The following FOXN3 variants were observed in gnomAD, a reference collection of about 807,000 sequenced individuals.
FOXN3 encodes the protein forkhead box protein N3.
Under a neutral mutation model 38.4 loss-of-function variants are expected in FOXN3, and 7 were observed. The ratio of observed to expected loss-of-function variants is 0.18; its 90% confidence interval spans 0.10 to 0.34. The LOEUF is 0.34. Ranked by LOEUF, FOXN3 falls within the 10% of genes least tolerant of loss-of-function variation. The pLI, the probability that FOXN3 is intolerant of heterozygous loss-of-function variation, is 1.00. For missense variants in FOXN3, 456 were observed against 613.4 expected (o/e 0.74, Z 2.71); for synonymous variants, 230 against 242.2 (o/e 0.95, Z 0.47).
intron 4 of FOXN3, among the ~76,000 whole-genome samples, chr14:89,271,766 C>T (rs965246385): frequency 1.3e-5 from 2 of 152,182 alleles, no homozygotes; most frequent in African/African-American, 4.8e-5. Context: ...GTTTTCATTT[C>T]CATCTTTTTG....
chr14:89,517,931 C>A (rs964941330), intron 1 of FOXN3, among the ~76,000 whole-genome samples: 1 of 152,196 alleles, frequency 6.6e-6, no homozygotes, highest in Non-Finnish European at 1.5e-5. Flanking sequence ...CAAAACTCTG[C>A]TGGTACCAAA....
intron 2 of FOXN3, among the ~76,000 whole-genome samples, chr14:89,391,643 A>G (rs963619034): frequency 1.3e-5 from 2 of 152,200 alleles, no homozygotes; most frequent in African/African-American, 4.8e-5. Flanking sequence ...AATAAGCGAC[A>G]GTCCCCAAAT....
chr14:89,205,327 T>A (rs558303152), intron 4 of FOXN3, among the ~76,000 whole-genome samples: 1 of 152,202 alleles, frequency 6.6e-6, no homozygotes, highest in East Asian at 1.9e-4. Flanking sequence ...GCCCTCATGA[T>A]GACACGGGAA....
At chr14:89,449,758 C>A (rs113960514) in intron 1 of FOXN3, among the ~76,000 whole-genome samples, 3 of 152,274 alleles carry the variant, frequency 2.0e-5, no homozygotes, top group East Asian at 1.9e-4. Context: ...CAACTCCCCA[C>A]GGAGGTCTGA....
intron 1 of FOXN3, among the ~76,000 whole-genome samples, chr14:89,465,236 T>A (rs986337360): frequency 6.6e-6 from 1 of 151,996 alleles, no homozygotes; most frequent in Non-Finnish European, 1.5e-5. Context: ...TTTTTTTGTT[T>A]TGTTTTGTTT....
chr14:89,613,249 C>T (rs1896431491), intron 1 of FOXN3, among the ~76,000 whole-genome samples: 1 of 151,972 alleles, frequency 6.6e-6, no homozygotes, highest in Admixed American at 6.6e-5. Flanking sequence ...AAAGGCACTG[C>T]GAAGGTACTA....
At chr14:89,568,505 C>T (rs8020333) in intron 1 of FOXN3, among the ~76,000 whole-genome samples, 78,923 of 152,056 alleles carry the variant, frequency 0.52, 21,910 homozygotes, top group Middle Eastern at 0.66. Context: ...GCCCTCAGCA[C>T]GGAAGCCCTT....
At chr14:89,555,734 T>C (rs2139870017) in intron 1 of FOXN3, among the ~76,000 whole-genome samples, 1 of 152,244 alleles carries the variant, frequency 6.6e-6, no homozygotes, top group East Asian at 1.9e-4. Flanking sequence ...TTCTTTTTCA[T>C]AGCCAAAAGA....
intron 5 of FOXN3, among the ~76,000 whole-genome samples, chr14:89,167,403 T>A: frequency 6.6e-6 from 1 of 152,258 alleles, no homozygotes. Flanking sequence ...TCTCTGGAAC[T>A]AATGGCTCTA....
rs560471209 is a variant in FOXN3 at position 89,561,603 on chromosome 14, G to A, written c.-15+57425C>T. On this transcript the variant is annotated intron_variant, in intron 1 of 6. Transcript: ENST00000345097. ...GAAAAAGACATATGTACAATAGTGA[G>A]CAGTGGCATTTATAAGAAAGATGGT... 5.3e-5 allele frequency among the ~76,000 whole-genome samples: 8 copies of A among 152,356 alleles called. No homozygotes were observed. The East Asian group carries it at 1.2e-3, about 22-fold the overall frequency.
rs2139767973 is a variant in FOXN3 at position 89,157,225 on chromosome 14, C to T, written c.*5189G>A. 1 of 152,712 alleles carries T rather than the reference C, an allele frequency of 6.5e-6. No individual in the cohort carries two copies. Among genetic ancestry groups the T allele is most frequent in the African/African-American group, 2.4e-5 (1 of 41,566 alleles). The allele number at this position is 152,712 out of a possible 1,614,324, so 9.5% of individuals were successfully genotyped here. On this transcript the variant is annotated 3_prime_UTR_variant, in exon 6 of 6. Coordinates refer to ENST00000557258, the MANE Select transcript of FOXN3 (RefSeq NM_005197.4). ...TCAGAAGTACAACAGCAAGGTGCAGCACCATAGACACATCGGTTTCGGCTG... is the reference window on the plus strand; with the variant it reads ...TCAGAAGTACAACAGCAAGGTGCAGTACCATAGACACATCGGTTTCGGCTG...
At chr14:89,179,883 A>G (rs1210846645) in intron 5 of FOXN3, among the ~76,000 whole-genome samples, 1 of 152,246 alleles carries the variant, frequency 6.6e-6, no homozygotes, top group Non-Finnish European at 1.5e-5. Context: ...AATACTGGGC[A>G]TATTTGGGGA....
intron 4 of FOXN3, among the ~76,000 whole-genome samples, chr14:89,280,745 A>G (rs528964165): frequency 1.3e-5 from 2 of 152,116 alleles, no homozygotes; most frequent in Non-Finnish European, 2.9e-5. Context: ...TTTCAGACTC[A>G]TGATTCACAG....
chr14:89,192,290 T>C (rs1180129985), intron 4 of FOXN3, among the ~76,000 whole-genome samples: 2 of 146,296 alleles, frequency 1.4e-5, no homozygotes, highest in Non-Finnish European at 3.0e-5. Flanking sequence ...ATATACTATA[T>C]AATAAACTAT....
chr14:89,325,173 A>G (rs949597013), intron 3 of FOXN3, among the ~76,000 whole-genome samples: 6 of 151,292 alleles, frequency 4.0e-5, no homozygotes, highest in South Asian at 2.1e-4. Context: ...GAGCTATGCT[A>G]TTCTTCGGGC....
intron 4 of FOXN3, among the ~76,000 whole-genome samples, chr14:89,275,395 T>C (rs1026017521): frequency 1.3e-5 from 2 of 152,202 alleles, no homozygotes; most frequent in Non-Finnish European, 2.9e-5. Flanking sequence ...ACAGAGCTGG[T>C]ACTAGATAGG....
intron 4 of FOXN3, among the ~76,000 whole-genome samples, chr14:89,243,341 C>T (rs1307739589): frequency 1.3e-5 from 2 of 152,202 alleles, no homozygotes; most frequent in Admixed American, 1.3e-4. Context: ...CAGATCTTTA[C>T]AACATGAGTT....
intron 3 of FOXN3, among the ~76,000 whole-genome samples, chr14:89,332,315 T>C (rs1888273759): frequency 6.6e-6 from 1 of 152,192 alleles, no homozygotes; most frequent in Admixed American, 6.5e-5. Context: ...ATACATATAT[T>C]TTAATAACAG....
intron 1 of FOXN3, among the ~76,000 whole-genome samples, chr14:89,414,701 G>A (rs1192924259): frequency 1.3e-5 from 2 of 152,082 alleles, no homozygotes; most frequent in Non-Finnish European, 2.9e-5. Context: ...CTACAGGCGT[G>A]TGCCACCATG....
Sources: gnomAD v4.1 joint callset for allele counts (sites outside exome capture counted in the v4.1 genomes callset) on GRCh38, gnomAD v4.1.1 for gene constraint, MANE v1.5 for transcripts, NCBI Gene and HGNC (gene_info 2026-07-23, HGNC 2026-07-21) for gene names.